The following DNAJC10 variants were observed in gnomAD, a reference collection of about 807,000 sequenced individuals.
DNAJC10 encodes DnaJ heat shock protein family (Hsp40) member C10, also known as endoplasmic reticulum disulfide reductase DNAJC10.
Under a neutral mutation model 115.0 loss-of-function variants are expected in DNAJC10, and 101 were observed. That is an observed-to-expected ratio of 0.88 (90% CI 0.75 to 1.04). DNAJC10 has a LOEUF of 1.04. Among genes scored for constraint, DNAJC10 ranks in the 50% least tolerant of loss-of-function variants. The pLI is 0.00. For missense variants in DNAJC10, 981 were observed against 928.8 expected, an observed-to-expected ratio of 1.06 and a Z score of -0.73; for synonymous variants, 307 against 301.5, an observed-to-expected ratio of 1.02 and a Z score of -0.19.
intron 4 of DNAJC10, among the ~76,000 whole-genome samples, chr2:182,721,664 A>T (rs1176277418): frequency 1.3e-5 from 2 of 152,154 alleles, no homozygotes; most frequent in African/African-American, 4.8e-5. Flanking sequence ...ACATGTCACC[A>T]TTAGAGGAAG....
chr2:182,770,512 C>G (rs957041342), intron 22 of DNAJC10, among the ~76,000 whole-genome samples: 1 of 152,080 alleles, frequency 6.6e-6, no homozygotes, highest in African/African-American at 2.4e-5. Context: ...TTGTAGTTCT[C>G]CTTGAAGAGG....
Position 182,777,834 on chromosome 2 carries a change from CAG to C in DNAJC10, c.*703_*704del, listed in dbSNP as rs1443239689. 6.6e-6 allele frequency: 1 copy of C among 152,072 alleles called. No individual in the cohort carries two copies. The highest frequency in any genetic ancestry group is 2.4e-5 in the African/African-American group (1 of 41,398). 9.4% of individuals were successfully genotyped at this position (152,072 alleles called of 1,614,324 possible). On this transcript the variant is annotated 3_prime_UTR_variant, in exon 24 of 24. Coordinates refer to ENST00000264065, the MANE Select transcript of DNAJC10 (RefSeq NM_018981.4). ...TTTTCACAGCCGAGAAACAGTGCAG[CAG>C]TATATGTGCACACAGTAAGTACACA...
At position 182,794,100 on chromosome 2, in the gene DNAJC10, A is replaced by T. The variant is rs568507065; in HGVS notation, c.*16968A>T. On this transcript the variant is annotated 3_prime_UTR_variant, in exon 24 of 24. Coordinates refer to ENST00000264065, the MANE Select transcript of DNAJC10 (RefSeq NM_018981.4). Reference sequence around the variant, plus strand: ...AACAATGCATGGGGATCCAAGAAACAGTGACTCCAACCCAAGAGAGCAGTG... The same window carrying T: ...AACAATGCATGGGGATCCAAGAAACTGTGACTCCAACCCAAGAGAGCAGTG... 6.6e-6 allele frequency: 1 copy of T among 152,250 alleles called. No individual in the cohort carries two copies. Among genetic ancestry groups the T allele is most frequent in the Non-Finnish European group, 1.5e-5 (1 of 68,096 alleles). The allele number at this position is 152,250 out of a possible 1,614,324, so 9.4% of individuals were successfully genotyped here. A position where few individuals can be genotyped will look rare whatever the true frequency, so the allele number is the denominator to read the frequency against.
intron 16 of DNAJC10, 79 bp from the exon 17 acceptor site, chr2:182,754,924 T>TA (rs1694118043): frequency 1.5e-6 from 2 of 1,338,602 alleles, no homozygotes; most frequent in East Asian, 4.8e-5. Flanking sequence ...TCTTGTTACT[T>TA]AAAGGCAAAC....
Position 182,743,562 on chromosome 2 carries a change from A to G in DNAJC10, c.1192-36A>G, listed in dbSNP as rs369248147. 11 of 1,412,994 alleles carry G rather than the reference A, an allele frequency of 7.8e-6. No individual in the cohort carries two copies. The African/African-American group carries it at 8.5e-5, about 11-fold the overall frequency. 87.5% of individuals were successfully genotyped at this position (1,412,994 alleles called of 1,614,324 possible). ...TATTTACAAATCAAATGGGTAAGAC[A>G]GTGTTTTTATCAAATTTGACCTTTT... On this transcript the variant is annotated intron_variant, in intron 13 of 23. Coordinates refer to ENST00000264065, the MANE Select transcript of DNAJC10 (RefSeq NM_018981.4).
At chr2:182,730,380 T>C (rs1351507439) in intron 8 of DNAJC10, among the ~76,000 whole-genome samples, 1 of 152,184 alleles carries the variant, frequency 6.6e-6, no homozygotes, top group African/African-American at 2.4e-5. Flanking sequence ...TGGCTCAAGA[T>C]GTTCATTTTA....
In DNAJC10 at chr2:182,718,090, G is replaced by A. The variant is rs754557195; in HGVS notation, c.4G>A (p.Gly2Arg). 6.3e-7 allele frequency: 1 copy of A among 1,594,446 alleles called. No homozygotes were observed. The highest frequency in any genetic ancestry group is 8.5e-7 in the Non-Finnish European group (1 of 1,169,936). Residue 2 changes from glycine to arginine, a missense_variant, in exon 3 of 24, where the codon GGA (glycine) becomes AGA (arginine). Physicochemically the swap from Gly to Arg is moderately radical, Grantham distance 125. Transcript: ENST00000264065. M[G>R]VWLNKDDYIR... The stretch of plus-strand genomic sequence containing the variant: ...CAGAACTTGCATAAGAAAGAGAATG[G>A]GAGTCTGGTTAAATAAAGATGACTA...
chr2:182,746,155 G>T (rs1559011152), intron 14 of DNAJC10, among the ~76,000 whole-genome samples: 1 of 152,142 alleles, frequency 6.6e-6, no homozygotes. Flanking sequence ...ATTTGGGTTG[G>T]TTCCAAGTCT....
intron 22 of DNAJC10, among the ~76,000 whole-genome samples, chr2:182,766,508 G>T (rs1694416136): frequency 6.6e-6 from 1 of 152,150 alleles, no homozygotes; most frequent in Non-Finnish European, 1.5e-5. Context: ...GTGAGGAAAA[G>T]TTGGTTGCAT....
At chr2:182,750,121 T>A (rs1406612400) in intron 14 of DNAJC10, among the ~76,000 whole-genome samples, 1 of 152,178 alleles carries the variant, frequency 6.6e-6, no homozygotes, top group African/African-American at 2.4e-5. Context: ...TATTACTTGG[T>A]GACTGATGAG....
rs1055117726 is a variant in DNAJC10 at position 182,719,878 on chromosome 2, A to G, written c.205-129A>G. 4 of 402,544 alleles carry G rather than the reference A, an allele frequency of 9.9e-6. No homozygotes were observed. The South Asian group carries it at 1.8e-4, about 18-fold the overall frequency. 24.9% of individuals were successfully genotyped at this position (402,544 alleles called of 1,614,324 possible). A position where few individuals can be genotyped will look rare whatever the true frequency, so the allele number is the denominator to read the frequency against. ...CCCATGGTAACTCATGTCATGTTGT[A>G]TTACCCCTCCTTATGTTGGTATATG... On this transcript the variant is annotated intron_variant, in intron 3 of 23. Coordinates refer to ENST00000264065, the MANE Select transcript of DNAJC10 (RefSeq NM_018981.4).
In DNAJC10 at chr2:182,754,709, A is replaced by C. The variant is rs1053634424; in HGVS notation, c.1552-294A>C. On this transcript the variant is annotated intron_variant, in intron 16 of 23. Coordinates refer to ENST00000264065, the MANE Select transcript of DNAJC10 (RefSeq NM_018981.4). ...TCTTCTTACCTTGGTTCAGGAGAGT[A>C]AAAAGGGACCATTCGTATAATTACC... The C allele has an allele frequency of 1.2e-5, 13 of 1,088,600 alleles. No homozygotes were observed. The African/African-American group carries it at 2.0e-4, about 17-fold the overall frequency. The allele number at this position is 1,088,600 out of a possible 1,614,324, so 67.4% of individuals were successfully genotyped here.
At chr2:182,729,792 A>G in intron 7 of DNAJC10, 56 bp from the exon 8 acceptor site, 8 of 1,153,530 alleles carry the variant, frequency 6.9e-6, no homozygotes, top group Non-Finnish European at 1.0e-5. Context: ...TATTATTTTT[A>G]TTGAGTTTTA....
intron 5 of DNAJC10, among the ~76,000 whole-genome samples, chr2:182,724,411 A>AG: frequency 6.6e-6 from 1 of 152,360 alleles, no homozygotes; most frequent in South Asian, 2.1e-4. Flanking sequence ...TAAAAAGGCG[A>AG]GGGTAATCTG....
chr2:182,725,032 A>G (rs1693248393), intron 5 of DNAJC10, among the ~76,000 whole-genome samples: 1 of 152,168 alleles, frequency 6.6e-6, no homozygotes, highest in Non-Finnish European at 1.5e-5. Flanking sequence ...CGTGTTTCCA[A>G]TAGCATGTGC....
At position 182,790,204 on chromosome 2, in the gene DNAJC10, T is replaced by G. The variant is rs1413466991; in HGVS notation, c.*13072T>G. On this transcript the variant is annotated 3_prime_UTR_variant, in exon 24 of 24. Transcript: ENST00000264065. ...TATTTAGTCCTATATTATTCTCTGA[T>G]TATTCCATATGTTATCTTCCAAACT... 3 of 152,230 alleles carry G rather than the reference T, an allele frequency of 2.0e-5. No individual in the cohort carries two copies. In the South Asian group the frequency reaches 6.2e-4, roughly 31 times the overall value. 9.4% of individuals were successfully genotyped at this position (152,230 alleles called of 1,614,324 possible).
intron 5 of DNAJC10, among the ~76,000 whole-genome samples, chr2:182,724,099 TA>T (rs1475828111): frequency 6.6e-6 from 1 of 152,218 alleles, no homozygotes; most frequent in Non-Finnish European, 1.5e-5. Context: ...TTCTGACAGC[TA>T]CTGTAAACTC....
At chr2:182,752,252 A>G (rs1694042280) in intron 16 of DNAJC10, 64 bp downstream of exon 16, 1 of 807,730 alleles carries the variant, frequency 1.2e-6, no homozygotes, top group Non-Finnish European at 1.9e-6. Flanking sequence ...TTGGCTGTTT[A>G]TTATTAAAAC....
chr2:182,765,719 G>A (rs767817467), intron 22 of DNAJC10, among the ~76,000 whole-genome samples: 12 of 151,966 alleles, frequency 7.9e-5, no homozygotes, highest in Non-Finnish European at 1.8e-4. Flanking sequence ...CATATTCCCC[G>A]TTTTTTGTTT....
Sources: gnomAD v4.1 joint callset for allele counts (sites outside exome capture counted in the v4.1 genomes callset) on GRCh38, gnomAD v4.1.1 for gene constraint, MANE v1.5 for transcripts, NCBI Gene and HGNC (gene_info 2026-07-23, HGNC 2026-07-21) for gene names.